PIP5K1B: variants seen among roughly 807,000 people sequenced by gnomAD.
The protein encoded by PIP5K1B is phosphatidylinositol 4-phosphate 5-kinase type-1 beta.
In PIP5K1B, 42 loss-of-function variants were observed where a neutral mutation model predicts 67.0. The observed-to-expected ratio is 0.63, with a 90% CI of 0.49 to 0.81. PIP5K1B has a LOEUF of 0.81. PIP5K1B is among the 30% of genes least tolerant of loss of function. The pLI is 0.00. For synonymous variants in PIP5K1B, 214 were observed against 231.4 expected (o/e 0.92, Z 0.68); for missense variants, 459 against 646.3 (o/e 0.71, Z 3.14).
rs1831194602 is a variant in PIP5K1B, at chr9:69,008,588, G to A, written c.*139G>A. 3.7e-6 allele frequency: 3 copies of A among 812,724 alleles called. No homozygotes were observed. The Admixed American group carries it at 5.6e-5, about 15-fold the overall frequency. The allele number at this position is 812,724 out of a possible 1,614,324, so 50.3% of individuals were successfully genotyped here. On this transcript the variant is annotated 3_prime_UTR_variant, in exon 16 of 16. Coordinates refer to ENST00000265382, the MANE Select transcript of PIP5K1B (RefSeq NM_003558.4). ...GAGAAATCATCAACCTGACTTAAGA[G>A]TTTTCAAGATGTCAACTTCAGGCTG...
At chr9:68,871,193 G>T (rs544657442) in intron 5 of PIP5K1B, among the ~76,000 whole-genome samples, 1 of 152,342 alleles carries the variant, frequency 6.6e-6, no homozygotes, top group African/African-American at 2.4e-5. Context: ...AAGGCCTCAT[G>T]TGGAAGTAAT....
intron 4 of PIP5K1B, among the ~76,000 whole-genome samples, chr9:68,840,622 G>A (rs1035603617): frequency 3.9e-5 from 6 of 152,108 alleles, no homozygotes; most frequent in Admixed American, 6.5e-5. Context: ...GCTCATGGCC[G>A]CTTCCTTCAC....
intron 6 of PIP5K1B, among the ~76,000 whole-genome samples, chr9:68,887,450 G>A (rs1401927888): frequency 6.6e-6 from 1 of 152,198 alleles, no homozygotes; most frequent in African/African-American, 2.4e-5. Flanking sequence ...AGTTGAAGGA[G>A]GAAGTCATGA....
intron 4 of PIP5K1B, among the ~76,000 whole-genome samples, chr9:68,854,086 A>C (rs561805425): frequency 6.6e-6 from 1 of 150,504 alleles, no homozygotes; most frequent in East Asian, 1.9e-4. Flanking sequence ...TGTCTAGATG[A>C]GACCATTTTT....
chr9:68,907,877 G>A (rs1033730911), intron 8 of PIP5K1B, among the ~76,000 whole-genome samples: 2 of 152,184 alleles, frequency 1.3e-5, no homozygotes, highest in Non-Finnish European at 2.9e-5. Flanking sequence ...AACCATCAAG[G>A]TCTTATTTAT....
chr9:68,832,757 T>C (rs1834387290), intron 4 of PIP5K1B, among the ~76,000 whole-genome samples: 2 of 152,234 alleles, frequency 1.3e-5, no homozygotes, highest in African/African-American at 4.8e-5. Flanking sequence ...GAGGTCTTGC[T>C]GCAGTTCTTT....
At chr9:68,989,184 C>T (rs1266096683) in intron 14 of PIP5K1B, among the ~76,000 whole-genome samples, 3 of 146,922 alleles carry the variant, frequency 2.0e-5, no homozygotes, top group African/African-American at 5.0e-5. Context: ...TTTAATATTT[C>T]ACATATCTTC....
At chr9:68,751,943 T>G (rs1829654472) in intron 2 of PIP5K1B, among the ~76,000 whole-genome samples, 1 of 152,222 alleles carries the variant, frequency 6.6e-6, no homozygotes, top group South Asian at 2.1e-4. Flanking sequence ...CAAGCTCAGA[T>G]TCCCTATTTT....
chr9:68,767,273 C>T (rs1396130407), intron 2 of PIP5K1B, among the ~76,000 whole-genome samples: 2 of 152,142 alleles, frequency 1.3e-5, no homozygotes. Flanking sequence ...GATGCAAAAC[C>T]CTTTCATAAA....
intron 5 of PIP5K1B, among the ~76,000 whole-genome samples, chr9:68,865,310 A>C (rs1823302442): frequency 6.6e-6 from 1 of 152,172 alleles, no homozygotes. Context: ...AAAAAAAAAA[A>C]AATGTATATT....
chr9:68,906,783 A>T (rs1290616377), intron 8 of PIP5K1B, among the ~76,000 whole-genome samples: 1 of 152,204 alleles, frequency 6.6e-6, no homozygotes, highest in Non-Finnish European at 1.5e-5. Context: ...ACAAACCATT[A>T]TCACGACCAA....
intron 12 of PIP5K1B, among the ~76,000 whole-genome samples, chr9:68,934,218 T>C (rs1010778516): frequency 6.6e-6 from 1 of 152,226 alleles, no homozygotes; most frequent in African/African-American, 2.4e-5. Flanking sequence ...TGATTGATGG[T>C]GAAGTACATT....
At chr9:68,844,637 A>G (rs1022702243) in intron 4 of PIP5K1B, among the ~76,000 whole-genome samples, 1 of 151,914 alleles carries the variant, frequency 6.6e-6, no homozygotes, top group East Asian at 1.9e-4. Context: ...GGGAGAGCCA[A>G]AGGTGTTTGT....
Position 68,944,758 on chromosome 9 carries a change from A to G in PIP5K1B, c.1502+3968A>G, listed in dbSNP as rs146193472. ...TGTCATAAACCTAGAACAGGGGTGGAAACACTCTAACCAGAAGCCCTTCCC... is the reference window on the plus strand; with the variant it reads ...TGTCATAAACCTAGAACAGGGGTGGGAACACTCTAACCAGAAGCCCTTCCC... On this transcript the variant is annotated intron_variant, in intron 14 of 15. Coordinates refer to ENST00000265382, the MANE Select transcript of PIP5K1B (RefSeq NM_003558.4). Among the ~76,000 whole-genome samples the G allele has an allele frequency of 2.9e-4, 44 of 152,258 alleles. No individual in the cohort carries two copies. In the East Asian group the frequency reaches 7.7e-3, roughly 27 times the overall value.
In PIP5K1B at chr9:68,991,234, G is replaced by A; in HGVS notation, c.1597G>A (p.Ala533Thr). The A allele has an allele frequency of 6.2e-7, 1 of 1,601,866 alleles. No individual in the cohort carries two copies. The highest frequency in any genetic ancestry group is 8.6e-7 in the Non-Finnish European group (1 of 1,168,764). The change falls in exon 15 of 16, where the codon GCT becomes ACT. Residue 533 changes from alanine to threonine, a missense_variant. Ala to Thr is a moderately conservative substitution (Grantham distance 58). Transcript: ENST00000265382. ...CACTCTGGAAGTGCAGGATGACAAT[G>A]CTTCTGTGCTTGACGTCTATTTAGT... is the stretch of plus-strand genomic sequence containing the variant. ...PNTLEVQDDN[A>T]SVLDVYL is the part of the protein sequence containing the mutation.
chr9:68,766,540 GAA>G (rs1446014729), intron 2 of PIP5K1B, among the ~76,000 whole-genome samples: 1 of 152,142 alleles, frequency 6.6e-6, no homozygotes, highest in Admixed American at 6.5e-5. Flanking sequence ...TACTGATATG[GAA>G]AAAGTGTTCA....
Position 68,972,444 on chromosome 9 carries a change from C to G in PIP5K1B, c.1503-18696C>G, listed in dbSNP as rs139986025. Reference sequence around the variant, plus strand: ...TCACCTGAGGTCAGGAGTTCAAGACCAGCCCGGCTAACGTGGTAAAACCCC... The same window carrying G: ...TCACCTGAGGTCAGGAGTTCAAGACGAGCCCGGCTAACGTGGTAAAACCCC... On this transcript the variant is annotated intron_variant, in intron 14 of 15. Coordinates refer to ENST00000265382, the MANE Select transcript of PIP5K1B (RefSeq NM_003558.4). Among the ~76,000 whole-genome samples the G allele has an allele frequency of 4.3e-3, 660 of 152,184 alleles. 10 individuals carry two copies. Among genetic ancestry groups the G allele is most frequent in the African/African-American group, 0.015 (637 of 41,508 alleles).
At chr9:68,886,052 C>T (rs1379274215) in intron 6 of PIP5K1B, among the ~76,000 whole-genome samples, 2 of 151,786 alleles carry the variant, frequency 1.3e-5, no homozygotes, top group African/African-American at 4.8e-5. Flanking sequence ...ATGTAGTGGG[C>T]GCCTGTATCC....
At chr9:68,899,743 A>G (rs1186883518) in intron 8 of PIP5K1B, among the ~76,000 whole-genome samples, 1 of 152,214 alleles carries the variant, frequency 6.6e-6, no homozygotes. Flanking sequence ...CAATGTTGTA[A>G]ATGGTCATTA....
Sources: allele counts gnomAD v4.1 joint callset (sites outside exome capture counted in the v4.1 genomes callset), GRCh38; gene constraint gnomAD v4.1.1; transcripts MANE v1.5; gene names NCBI Gene and HGNC (gene_info 2026-07-23, HGNC 2026-07-21).